PPIA: variants seen among roughly 807,000 people sequenced by gnomAD.
The protein encoded by PPIA is peptidylprolyl isomerase A.
In PPIA, 2 loss-of-function variants were observed where a neutral mutation model predicts 15.3. The observed-to-expected ratio is 0.13, with a 90% CI of 0.05 to 0.41. The LOEUF is 0.41. PPIA is among the 10% of genes least tolerant of loss of function. The pLI, the probability that PPIA is intolerant of heterozygous loss-of-function variation, is 0.99. For missense variants in PPIA, 103 were observed against 210.3 expected, an observed-to-expected ratio of 0.49 and a Z score of 3.16; for synonymous variants, 67 against 73.1, an observed-to-expected ratio of 0.92 and a Z score of 0.43.
Position 44,799,351 on chromosome 7 carries a change from T to A in PPIA, c.101-41T>A, listed in dbSNP as rs377187414. Reference sequence around the variant, plus strand: ...TGTGTGTGTGTGTGTATATATATATTTTTATGTATGTATATATGTGTTTAA... The same window carrying A: ...TGTGTGTGTGTGTGTATATATATATATTTATGTATGTATATATGTGTTTAA... On this transcript the variant is annotated intron_variant, in intron 2 of 4. Coordinates refer to ENST00000468812, the MANE Select transcript of PPIA (RefSeq NM_021130.5). 1.1e-3 allele frequency: 1,791 copies of A among 1,596,820 alleles called. 1 individual carries two copies. Among genetic ancestry groups the A allele is most frequent in the Non-Finnish European group, 1.5e-3 (1,698 of 1,168,530 alleles).
Position 44,801,151 on chromosome 7 carries a change from C to T in PPIA, c.363-136C>T, listed in dbSNP as rs1009675328. ...AACTCTTTAATGGTAATTGGAGAAT[C>T]ATGTTTAATGACATTTAGTACAAAA... On this transcript the variant is annotated intron_variant, in intron 4 of 4. Coordinates refer to ENST00000468812, the MANE Select transcript of PPIA (RefSeq NM_021130.5). 4.1e-5 allele frequency: 44 copies of T among 1,061,108 alleles called. 1 individual carries two copies. The South Asian group carries it at 4.3e-4, about 10-fold the overall frequency. The allele number at this position is 1,061,108 out of a possible 1,614,324, so 65.7% of individuals were successfully genotyped here.
rs1792588251 is a variant in PPIA, at chr7:44,802,185, T to TTC, written c.*764_*765insCT. ...GACATCTGTTGCGGTTTTTTTTTTT[T>TTC]TTTTTTCCCCTGGAATGCAGTGGCG... is the stretch of plus-strand genomic sequence containing the variant. On this transcript the variant is annotated 3_prime_UTR_variant, in exon 5 of 5. Coordinates refer to ENST00000468812, the MANE Select transcript of PPIA (RefSeq NM_021130.5). 2 of 151,044 alleles carry TTC rather than the reference T, an allele frequency of 1.3e-5. No individual in the cohort carries two copies. Among genetic ancestry groups the TTC allele is most frequent in the African/African-American group, 4.9e-5 (2 of 40,826 alleles). 9.4% of individuals were successfully genotyped at this position (151,044 alleles called of 1,614,324 possible).
chr7:44,797,444 TG>T (rs1792409900), intron 1 of PPIA, among the ~76,000 whole-genome samples: 1 of 152,176 alleles, frequency 6.6e-6, no homozygotes, highest in Non-Finnish European at 1.5e-5. Flanking sequence ...CGTCCCTCCG[TG>T]TCCCCCACCC....
intron 1 of PPIA, among the ~76,000 whole-genome samples, chr7:44,797,694 G>T (rs372412747): frequency 6.6e-6 from 1 of 152,246 alleles, no homozygotes; most frequent in African/African-American, 2.4e-5. Flanking sequence ...TGTAATTATA[G>T]CATAGTATCT....
chr7:44,799,128 G>A (rs1792467226), intron 1 of PPIA, 119 bp from the exon 2 acceptor site: 2 of 1,259,470 alleles, frequency 1.6e-6, no homozygotes, highest in Non-Finnish European at 2.2e-6. Flanking sequence ...GGGAATTAAA[G>A]TAATTACTGA....
chr7:44,802,520 G>A lies in PPIA; in HGVS notation c.*1098G>A, dbSNP rs1374816157. 1 of 152,156 alleles carries A rather than the reference G, an allele frequency of 6.6e-6. No individual in the cohort carries two copies. Among genetic ancestry groups the A allele is most frequent in the Non-Finnish European group, 1.5e-5 (1 of 68,042 alleles). 9.4% of individuals were successfully genotyped at this position (152,156 alleles called of 1,614,324 possible). On this transcript the variant is annotated 3_prime_UTR_variant, in exon 5 of 5. Coordinates refer to ENST00000468812, the MANE Select transcript of PPIA (RefSeq NM_021130.5). Reference sequence around the variant, plus strand: ...AGGGAAGCATATTGGGCTTTAGGCTGTAGGTCAAGTTTATACATCTTAATT... The same window carrying A: ...AGGGAAGCATATTGGGCTTTAGGCTATAGGTCAAGTTTATACATCTTAATT...
At position 44,796,968 on chromosome 7, in the gene PPIA, G is replaced by A. The variant is rs570438650; in HGVS notation, c.69+175G>A. ...ATTTTGGGAGGTCCGCGAGTCGCGG[G>A]GAGGAGGCCGGGACGGCGGCGGACA... On this transcript the variant is annotated intron_variant, in intron 1 of 4. Coordinates refer to ENST00000468812, the MANE Select transcript of PPIA (RefSeq NM_021130.5). Among the ~76,000 whole-genome samples the A allele has an allele frequency of 1.9e-3, 283 of 152,074 alleles. 1 individual carries two copies. Among genetic ancestry groups the A allele is most frequent in the African/African-American group, 6.4e-3 (266 of 41,486 alleles).
At chr7:44,800,030 C>T (rs1430772557) in intron 4 of PPIA, 156 bp downstream of exon 4, 16 of 733,470 alleles carry the variant, frequency 2.2e-5, no homozygotes, top group Middle Eastern at 3.6e-4. Flanking sequence ...CAAATATAGC[C>T]AATGTGATAC....
chr7:44,800,398 C>CTTT (rs57466816), intron 4 of PPIA: 8 of 142,366 alleles, frequency 5.6e-5, no homozygotes, highest in Non-Finnish European at 7.6e-5. Context: ...CAATTAAGTG[C>CTTT]TTTTTTTTTT....
Position 44,801,482 on chromosome 7 carries a change from C to T in PPIA, c.*60C>T, listed in dbSNP as rs1049447386. ...TTCCTTCTGTAGCTCAGGAGAGCAC[C>T]CCTCCACCCCATTTGCTCGCAGTAT... On this transcript the variant is annotated 3_prime_UTR_variant, in exon 5 of 5. Coordinates refer to ENST00000468812, the MANE Select transcript of PPIA (RefSeq NM_021130.5). 2 of 1,272,900 alleles carry T rather than the reference C, an allele frequency of 1.6e-6. No individual in the cohort carries two copies. The highest frequency in any genetic ancestry group is 2.2e-6 in the Non-Finnish European group (2 of 898,638). 78.9% of individuals were successfully genotyped at this position (1,272,900 alleles called of 1,614,324 possible). A position where few individuals can be genotyped will look rare whatever the true frequency, so the allele number is the denominator to read the frequency against.
At chr7:44,798,967 A>C in intron 1 of PPIA, 1 of 1,176,460 alleles carries the variant, frequency 8.5e-7, no homozygotes, top group Non-Finnish European at 1.1e-6. Context: ...ATCTTTTCAG[A>C]AGTAGGTGTG....
Position 44,796,775 on chromosome 7 carries a change from G to A in PPIA, c.51G>A (p.Leu17=). The change falls in exon 1 of 5, where the codon TTG becomes TTA. Residue 17 remains leucine (L), a synonymous_variant. Transcript: ENST00000468812. ...FFDIAVDGEP[L]GRVSFELFAD... ...ACATTGCCGTCGACGGCGAGCCCTT[G>A]GGCCGCGTCTCCTTTGAGGTCGGGC... 1 of 1,609,446 alleles carries A rather than the reference G, an allele frequency of 6.2e-7. No homozygotes were observed. The highest frequency in any genetic ancestry group is 2.3e-5 in the East Asian group (1 of 44,134).
chr7:44,800,944 A>G (rs950632313), intron 4 of PPIA, among the ~76,000 whole-genome samples: 6 of 151,994 alleles, frequency 3.9e-5, no homozygotes, highest in Admixed American at 3.3e-4. Flanking sequence ...CAGCCTCCCG[A>G]GTAGCTGGGA....
At position 44,796,718 on chromosome 7, in the gene PPIA, A is replaced by T. The variant is rs532505886; in HGVS notation, c.-7A>T. 2 of 1,610,368 alleles carry T rather than the reference A, an allele frequency of 1.2e-6. No individual in the cohort carries two copies. Among genetic ancestry groups the T allele is most frequent in the South Asian group, 1.1e-5 (1 of 91,002 alleles). On this transcript the variant is annotated 5_prime_UTR_variant, in exon 1 of 5. Coordinates refer to ENST00000468812, the MANE Select transcript of PPIA (RefSeq NM_021130.5). ...CCACCGCCGAGGAAAACCGTGTACT[A>T]TTAGCCATGGTCAACCCCACCGTGT...
At chr7:44,797,124 T>A (rs1174243209) in intron 1 of PPIA, among the ~76,000 whole-genome samples, 1 of 151,980 alleles carries the variant, frequency 6.6e-6, no homozygotes. Flanking sequence ...GCCTTGAGAG[T>A]CGTTGGGCTC....
In PPIA at chr7:44,801,288, T is replaced by C. The variant is rs1316555617; in HGVS notation, c.364T>C (p.Leu122=). ...FFICTAKTEW[L]DGKHVVFGKV... The stretch of plus-strand genomic sequence containing the variant: ...TAGTGATTGTTCTTCCTTTTCAAGG[T>C]TGGATGGCAAGCATGTGGTGTTTGG... Residue 122 remains leucine, a splice_region_variant and synonymous_variant, in exon 5 of 5, where the codon TTG becomes CTG. Coordinates refer to ENST00000468812, the MANE Select transcript of PPIA (RefSeq NM_021130.5). The C allele has an allele frequency of 3.7e-6, 6 of 1,612,956 alleles. No homozygotes were observed. Among genetic ancestry groups the C allele is most frequent in the African/African-American group, 1.3e-5 (1 of 74,870 alleles).
intron 1 of PPIA, chr7:44,798,925 G>T: frequency 9.1e-7 from 1 of 1,095,518 alleles, no homozygotes; most frequent in Non-Finnish European, 1.1e-6. Context: ...GCTCAAGTTG[G>T]GGGGTGGTGA....
At chr7:44,800,942 C>T (rs1456042821) in intron 4 of PPIA, among the ~76,000 whole-genome samples, 2 of 152,044 alleles carry the variant, frequency 1.3e-5, no homozygotes, top group Admixed American at 1.3e-4. Context: ...CTCAGCCTCC[C>T]GAGTAGCTGG....
At chr7:44,797,632 A>G (rs1380183453) in intron 1 of PPIA, among the ~76,000 whole-genome samples, 1 of 152,214 alleles carries the variant, frequency 6.6e-6, no homozygotes, top group Non-Finnish European at 1.5e-5. Flanking sequence ...GTGGATTACC[A>G]GTGATTACCT....
Sources: allele counts gnomAD v4.1 joint callset (sites outside exome capture counted in the v4.1 genomes callset), GRCh38; gene constraint gnomAD v4.1.1; transcripts MANE v1.5; gene names NCBI Gene and HGNC (gene_info 2026-07-23, HGNC 2026-07-21).